Variants in GPATCH2 observed in about 807,000 individuals in gnomAD.
The protein encoded by GPATCH2 is G patch domain-containing protein 2.
In GPATCH2, 51 loss-of-function variants were observed where a neutral mutation model predicts 58.0. That is an observed-to-expected ratio of 0.88 (90% CI 0.70 to 1.11). The LOEUF is 1.11. Among genes scored for constraint, GPATCH2 ranks in the 50% most tolerant of loss-of-function variants. The pLI is 0.00. For synonymous variants in GPATCH2, 222 were observed against 218.5 expected (o/e 1.02, Z -0.14); for missense variants, 625 against 652.2 (o/e 0.96, Z 0.45).
intron 7 of GPATCH2, among the ~76,000 whole-genome samples, chr1:217,495,718 C>T (rs1558433986): frequency 6.6e-6 from 1 of 152,156 alleles, no homozygotes; most frequent in Non-Finnish European, 1.5e-5. Flanking sequence ...TACTGCTTAC[C>T]TGCTCCAGAC....
intron 6 of GPATCH2, among the ~76,000 whole-genome samples, chr1:217,502,363 C>A (rs368984834): frequency 7.5e-4 from 114 of 152,108 alleles, no homozygotes; most frequent in South Asian, 2.1e-3. Context: ...CATGAAGTCT[C>A]TTCATTTTTG....
intron 5 of GPATCH2, among the ~76,000 whole-genome samples, chr1:217,593,902 A>G (rs1667702155): frequency 6.6e-6 from 1 of 152,134 alleles, no homozygotes; most frequent in Non-Finnish European, 1.5e-5. Flanking sequence ...GCAAAACAAA[A>G]CAAAATAAAA....
At chr1:217,444,624 A>G (rs1433606822) in intron 9 of GPATCH2, among the ~76,000 whole-genome samples, 2 of 152,234 alleles carry the variant, frequency 1.3e-5, no homozygotes, top group East Asian at 3.8e-4. Flanking sequence ...CTAAAACACA[A>G]CCGAAGAGTG....
At chr1:217,545,825 AT>A (rs1405538906) in intron 5 of GPATCH2, among the ~76,000 whole-genome samples, 38 of 152,310 alleles carry the variant, frequency 2.5e-4, no homozygotes, top group African/African-American at 8.7e-4. Context: ...AGATGAAATG[AT>A]TTTACATACA....
chr1:217,551,160 G>A (rs1185331368), intron 5 of GPATCH2, among the ~76,000 whole-genome samples: 5 of 150,938 alleles, frequency 3.3e-5, no homozygotes, highest in African/African-American at 7.3e-5. Flanking sequence ...CCAGTCAGGA[G>A]TGCAAATCTG....
intron 5 of GPATCH2, among the ~76,000 whole-genome samples, chr1:217,585,867 T>A (rs1164622182): frequency 1.3e-5 from 2 of 152,194 alleles, no homozygotes; most frequent in African/African-American, 2.4e-5. Flanking sequence ...CTAGGCTATA[T>A]GGTATAGCCT....
chr1:217,526,219 C>T (rs1162682993), intron 5 of GPATCH2, among the ~76,000 whole-genome samples: 1 of 152,006 alleles, frequency 6.6e-6, no homozygotes, highest in African/African-American at 2.4e-5. Flanking sequence ...AGTCTCAACA[C>T]TTTTAAACTG....
At chr1:217,564,718 T>A (rs540244935) in intron 5 of GPATCH2, among the ~76,000 whole-genome samples, 2 of 152,308 alleles carry the variant, frequency 1.3e-5, no homozygotes, top group Non-Finnish European at 2.9e-5. Flanking sequence ...TTCAGAAGTG[T>A]CTGCTTCTTT....
chr1:217,613,565 T>C (rs1668738898), intron 3 of GPATCH2, among the ~76,000 whole-genome samples: 1 of 152,114 alleles, frequency 6.6e-6, no homozygotes. Flanking sequence ...TTATTAAGGT[T>C]TTTTTAAATT....
intron 1 of GPATCH2, among the ~76,000 whole-genome samples, chr1:217,629,076 A>G (rs947403032): frequency 2.0e-5 from 3 of 152,128 alleles, no homozygotes; most frequent in African/African-American, 7.2e-5. Context: ...TATTTGTAAA[A>G]CCTGGCACCT....
chr1:217,535,341 G>A (rs1045046378), intron 5 of GPATCH2, among the ~76,000 whole-genome samples: 4 of 152,126 alleles, frequency 2.6e-5, no homozygotes, highest in Non-Finnish European at 4.4e-5. Flanking sequence ...GTCTAAAAAG[G>A]AAGTTTTTAT....
intron 5 of GPATCH2, among the ~76,000 whole-genome samples, chr1:217,558,899 C>G (rs968885908): frequency 6.6e-6 from 1 of 151,954 alleles, no homozygotes; most frequent in African/African-American, 2.4e-5. Context: ...TTGCTTCTTC[C>G]AACTATACTT....
intron 6 of GPATCH2, among the ~76,000 whole-genome samples, chr1:217,501,521 T>C (rs1229159047): frequency 5.9e-5 from 9 of 152,118 alleles, no homozygotes; most frequent in East Asian, 1.9e-4. Flanking sequence ...ACTGCCAACA[T>C]TTTCCAGAAT....
At chr1:217,511,696 T>C (rs1662857535) in intron 6 of GPATCH2, among the ~76,000 whole-genome samples, 1 of 152,094 alleles carries the variant, frequency 6.6e-6, no homozygotes, top group South Asian at 2.1e-4. Flanking sequence ...AAATTTCAGA[T>C]ATTGGGTTTT....
chr1:217,557,808 T>G (rs751519668), intron 5 of GPATCH2, among the ~76,000 whole-genome samples: 14 of 152,218 alleles, frequency 9.2e-5, no homozygotes, highest in Non-Finnish European at 1.6e-4. Context: ...GATACTATAC[T>G]GCCCATTAAT....
At chr1:217,480,260 C>T (rs1273005654) in intron 8 of GPATCH2, among the ~76,000 whole-genome samples, 1 of 150,996 alleles carries the variant, frequency 6.6e-6, no homozygotes, top group Non-Finnish European at 1.5e-5. Context: ...GATTAGTAAT[C>T]AGAAAAATAA....
At chr1:217,624,672 A>G (rs896467273) in intron 1 of GPATCH2, among the ~76,000 whole-genome samples, 10 of 152,264 alleles carry the variant, frequency 6.6e-5, no homozygotes, top group African/African-American at 2.2e-4. Flanking sequence ...AGAATTTCCT[A>G]TTAAAGGGGA....
At chr1:217,446,043 T>C (rs561956784) in intron 9 of GPATCH2, among the ~76,000 whole-genome samples, 1 of 152,276 alleles carries the variant, frequency 6.6e-6, no homozygotes, top group East Asian at 1.9e-4. Context: ...GACAATTTTT[T>C]GGTAAATCCT....
At chr1:217,592,180 T>C (rs781068940) in intron 5 of GPATCH2, among the ~76,000 whole-genome samples, 23 of 152,038 alleles carry the variant, frequency 1.5e-4, no homozygotes, top group Non-Finnish European at 3.1e-4. Context: ...AGTTATATTT[T>C]TTAACTGCTA....
Sources: gnomAD v4.1 joint callset for allele counts (sites outside exome capture counted in the v4.1 genomes callset) on GRCh38, gnomAD v4.1.1 for gene constraint, MANE v1.5 for transcripts, NCBI Gene and HGNC (gene_info 2026-07-23, HGNC 2026-07-21) for gene names.